TLN2: variants seen among roughly 807,000 people sequenced by gnomAD.
The protein encoded by TLN2 is talin 2.
A neutral mutation model predicts 294.7 loss-of-function variants in TLN2; 118 were observed. That is an observed-to-expected ratio of 0.40 (90% CI 0.34 to 0.47). The LOEUF is 0.47. Among genes scored for constraint, TLN2 ranks in the 20% least tolerant of loss-of-function variants. TLN2 has a pLI of 0.84. For synonymous variants in TLN2, 1,431 were observed against 1,304.5 expected (o/e 1.10, Z -2.09); for missense variants, 3,083 against 3,282.2 (o/e 0.94, Z 1.48).
chr15:62,817,537 C>T (rs925158075), intron 52 of TLN2, among the ~76,000 whole-genome samples: 17 of 152,242 alleles, frequency 1.1e-4, no homozygotes, highest in African/African-American at 3.9e-4. Flanking sequence ...TTTGTGCGTA[C>T]GCATAATGTC....
intron 1 of TLN2, among the ~76,000 whole-genome samples, chr15:62,556,970 T>C (rs2042639812): frequency 6.6e-6 from 1 of 152,200 alleles, no homozygotes; most frequent in African/African-American, 2.4e-5. Context: ...GATTTGGCAG[T>C]GATATGAGAT....
At chr15:62,748,495 C>A in intron 33 of TLN2, 51 bp downstream of exon 33, 1 of 1,284,532 alleles carries the variant, frequency 7.8e-7, no homozygotes, top group Non-Finnish European at 1.1e-6. Flanking sequence ...GTGTCTGTGT[C>A]TGTGTGTCTG....
chr15:62,701,949 C>G (rs756880938), intron 17 of TLN2, 43 bp from the exon 18 acceptor site: 1 of 1,606,040 alleles, frequency 6.2e-7, no homozygotes, highest in Non-Finnish European at 8.5e-7. Context: ...CTCACCAGAA[C>G]CATGTGCCCT....
intron 1 of TLN2, among the ~76,000 whole-genome samples, chr15:62,443,264 A>G (rs73426605): frequency 0.025 from 3,826 of 152,306 alleles, 158 homozygotes; most frequent in African/African-American, 0.088. Flanking sequence ...AATCCAGCTT[A>G]ATAAATGCCT....
chr15:62,802,092 TC>T (rs1184025875), intron 50 of TLN2, among the ~76,000 whole-genome samples: 1 of 152,028 alleles, frequency 6.6e-6, no homozygotes, highest in Non-Finnish European at 1.5e-5. Context: ...CCTCCCCACT[TC>T]CCCACCCCGA....
chr15:62,640,788 T>C (rs2050976839), intron 3 of TLN2, among the ~76,000 whole-genome samples: 2 of 152,116 alleles, frequency 1.3e-5, no homozygotes, highest in African/African-American at 2.4e-5. Context: ...ACTATGTTTA[T>C]TTATTTTTAA....
At chr15:62,494,802 G>A (rs768165459) in intron 1 of TLN2, among the ~76,000 whole-genome samples, 3 of 152,104 alleles carry the variant, frequency 2.0e-5, no homozygotes, top group Non-Finnish European at 4.4e-5. Flanking sequence ...TTCGGTGCTG[G>A]AAAGTGGTTA....
chr15:62,417,842 C>T (rs959857115), intron 1 of TLN2, among the ~76,000 whole-genome samples: 1 of 152,192 alleles, frequency 6.6e-6, no homozygotes, highest in Non-Finnish European at 1.5e-5. Context: ...TCAGGCCTTC[C>T]CCTCCCTTTT....
intron 48 of TLN2, among the ~76,000 whole-genome samples, chr15:62,799,474 G>A (rs1286304102): frequency 6.6e-6 from 1 of 152,164 alleles, no homozygotes; most frequent in African/African-American, 2.4e-5. Flanking sequence ...GATGATCTGT[G>A]GTCTCTGTGA....
chr15:62,660,438 C>T (rs1253767258), intron 9 of TLN2, among the ~76,000 whole-genome samples: 1 of 152,150 alleles, frequency 6.6e-6, no homozygotes, highest in Non-Finnish European at 1.5e-5. Context: ...AGACAAGGCC[C>T]AGAACAGTCA....
intron 1 of TLN2, among the ~76,000 whole-genome samples, chr15:62,469,980 G>T (rs906991785): frequency 6.6e-6 from 1 of 152,056 alleles, no homozygotes; most frequent in Non-Finnish European, 1.5e-5. Context: ...GAGAGAGAGC[G>T]CATGCACATG....
chr15:62,515,943 A>G (rs919231609), intron 1 of TLN2, among the ~76,000 whole-genome samples: 2 of 152,120 alleles, frequency 1.3e-5, no homozygotes, highest in Admixed American at 1.3e-4. Context: ...CTGCTGCTGA[A>G]CCCCCTATGC....
intron 1 of TLN2, among the ~76,000 whole-genome samples, chr15:62,535,443 G>GC (rs1233579867): frequency 6.7e-6 from 1 of 150,232 alleles, no homozygotes; most frequent in African/African-American, 2.5e-5. Flanking sequence ...AGCCAGGACA[G>GC]CATAGTGAGA....
At chr15:62,409,874 AT>A (rs1298175554) in intron 1 of TLN2, among the ~76,000 whole-genome samples, 4 of 152,228 alleles carry the variant, frequency 2.6e-5, no homozygotes, top group East Asian at 1.9e-4. Flanking sequence ...CCACAAATGA[AT>A]TTTTTCCCCC....
intron 1 of TLN2, among the ~76,000 whole-genome samples, chr15:62,534,965 C>G (rs1010069038): frequency 1.3e-5 from 2 of 152,170 alleles, no homozygotes; most frequent in African/African-American, 2.4e-5. Context: ...ATGCGACTTC[C>G]GGGAAGTCCT....
chr15:62,829,324 C>T (rs1055820646), intron 54 of TLN2: 1 of 152,086 alleles, frequency 6.6e-6, no homozygotes, highest in Admixed American at 6.6e-5. Flanking sequence ...GCCTCACAAT[C>T]ATGGCGGAAA....
intron 32 of TLN2, among the ~76,000 whole-genome samples, chr15:62,743,722 G>A (rs557509537): frequency 2.7e-4 from 41 of 152,204 alleles, no homozygotes; most frequent in Middle Eastern, 3.4e-3. Context: ...TTGCCAAAAC[G>A]AAGGGGGTAT....
intron 1 of TLN2, among the ~76,000 whole-genome samples, chr15:62,507,126 G>A (rs1161386669): frequency 1.3e-5 from 2 of 152,204 alleles, no homozygotes; most frequent in Non-Finnish European, 2.9e-5. Flanking sequence ...TTGGTATAAA[G>A]TCAGAAGGAG....
chr15:62,461,153 T>C (rs977357444), intron 1 of TLN2, among the ~76,000 whole-genome samples: 1 of 152,122 alleles, frequency 6.6e-6, no homozygotes, highest in Non-Finnish European at 1.5e-5. Flanking sequence ...TTTCACCATA[T>C]TGGCCAGGCT....
Sources: allele counts gnomAD v4.1 joint callset (sites outside exome capture counted in the v4.1 genomes callset), GRCh38; gene constraint gnomAD v4.1.1; transcripts MANE v1.5; gene names NCBI Gene and HGNC (gene_info 2026-07-23, HGNC 2026-07-21).